IGSF5: variants seen among roughly 807,000 people sequenced by gnomAD.
IGSF5 encodes the protein immunoglobulin superfamily 5 like.
Under a neutral mutation model 39.4 loss-of-function variants are expected in IGSF5, and 41 were observed. The ratio of observed to expected loss-of-function variants is 1.04; its 90% CI spans 0.81 to 1.35. The LOEUF is 1.35. Among genes scored for constraint, IGSF5 ranks in the 40% most tolerant of loss-of-function variants. The pLI is 0.00. For synonymous variants in IGSF5, 183 were observed against 175.3 expected (o/e 1.04, Z -0.34); for missense variants, 487 against 494.6 (o/e 0.98, Z 0.15).
chr21:39,768,535 G>T lies in IGSF5; in HGVS notation c.419-2381G>T, dbSNP rs1427047193. On this transcript the variant is annotated intron_variant, in intron 3 of 8. Coordinates refer to ENST00000380588, the MANE Select transcript of IGSF5 (RefSeq NM_001080444.2). ...TTCAGATCGCTGAGTTGGTCCACTT[G>T]CTGCCTTATCCACCAATCAATCACA... is the stretch of plus-strand genomic sequence containing the variant. Among the ~76,000 whole-genome samples the T allele has an allele frequency of 3.9e-5, 6 of 152,306 alleles. No individual in the cohort carries two copies. In the East Asian group the frequency reaches 7.7e-4, roughly 20 times the overall value.
the IGSF5 span, chr21:39,726,147 T>C: frequency 6.6e-6 from 1 of 152,318 alleles, no homozygotes; most frequent in Non-Finnish European, 1.5e-5. Flanking sequence ...TGTGGGTCTA[T>C]GTGTGTTCAC....
At chr21:39,750,552 A>G (rs1251228552) in intron 2 of IGSF5, among the ~76,000 whole-genome samples, 2 of 149,792 alleles carry the variant, frequency 1.3e-5, no homozygotes, top group Non-Finnish European at 3.0e-5. Context: ...GCTGAACATC[A>G]GGTTCTTGGG....
Position 39,796,463 on chromosome 21 carries a change from C to A in IGSF5, c.1128+2850C>A, listed in dbSNP as rs529593286. On this transcript the variant is annotated intron_variant, in intron 8 of 8. Coordinates refer to ENST00000380588, the MANE Select transcript of IGSF5 (RefSeq NM_001080444.2). ...GTGCCTTCTTTTCTCAAAACTTTCT[C>A]CATTCTGCAATAAGCCTTAGTTCCT... 7.9e-5 allele frequency among the ~76,000 whole-genome samples: 12 copies of A among 152,314 alleles called. No individual in the cohort carries two copies. In the South Asian group the frequency reaches 2.3e-3, roughly 29 times the overall value.
chr21:39,797,133 A>T (rs2087000302), intron 8 of IGSF5, among the ~76,000 whole-genome samples: 1 of 152,092 alleles, frequency 6.6e-6, no homozygotes, highest in Non-Finnish European at 1.5e-5. Flanking sequence ...ATTAAAGTGG[A>T]GAATACCTTC....
rs2086980528 is a variant in IGSF5 at position 39,793,927 on chromosome 21, G to A, written c.1128+314G>A. 2.0e-5 allele frequency among the ~76,000 whole-genome samples: 3 copies of A among 152,140 alleles called. No individual in the cohort carries two copies. The South Asian group carries it at 6.2e-4, about 32-fold the overall frequency. On this transcript the variant is annotated intron_variant, in intron 8 of 8. Coordinates refer to ENST00000380588, the MANE Select transcript of IGSF5 (RefSeq NM_001080444.2). Reference sequence around the variant, plus strand: ...CATAAGAGTGAGCAGCATATATAATGTGCCATTTGTTCTCTTTGAGCCATA... The same window carrying A: ...CATAAGAGTGAGCAGCATATATAATATGCCATTTGTTCTCTTTGAGCCATA...
At chr21:39,727,868 T>C in the IGSF5 span, 3 of 152,374 alleles carry the variant, frequency 2.0e-5, no homozygotes, top group African/African-American at 4.8e-5. Flanking sequence ...AGTCGCTGCA[T>C]GCTCACAGAG....
the IGSF5 span, among the ~76,000 whole-genome samples, chr21:39,727,598 C>A: frequency 1.3e-4 from 20 of 152,344 alleles, no homozygotes; most frequent in South Asian, 4.1e-3. Context: ...TGATAGAAAT[C>A]TAGGACGTGC....
At chr21:39,752,566 T>G (rs2080010888) in intron 2 of IGSF5, among the ~76,000 whole-genome samples, 1 of 152,252 alleles carries the variant, frequency 6.6e-6, no homozygotes, top group African/African-American at 2.4e-5. Flanking sequence ...TAGTTTTACT[T>G]TTAGTTCTTT....
At chr21:39,725,090 C>G in the IGSF5 span, among the ~76,000 whole-genome samples, 59 of 152,330 alleles carry the variant, frequency 3.9e-4, no homozygotes, top group African/African-American at 1.4e-3. Context: ...CTGTTCTCTG[C>G]TAAATGTGCC....
At chr21:39,763,273 G>T (rs1315044686) in intron 2 of IGSF5, among the ~76,000 whole-genome samples, 1 of 152,164 alleles carries the variant, frequency 6.6e-6, no homozygotes, top group Non-Finnish European at 1.5e-5. Context: ...GCCTGACCTT[G>T]CAGTATAGAA....
intron 8 of IGSF5, among the ~76,000 whole-genome samples, chr21:39,800,104 A>G (rs1214246695): frequency 6.6e-6 from 1 of 152,216 alleles, no homozygotes; most frequent in Non-Finnish European, 1.5e-5. Flanking sequence ...AATTCCTACT[A>G]AAATAACCAA....
At chr21:39,733,812 G>A in the IGSF5 span, among the ~76,000 whole-genome samples, 2 of 152,158 alleles carry the variant, frequency 1.3e-5, no homozygotes, top group African/African-American at 2.4e-5. Flanking sequence ...CCTGGCCATC[G>A]TTCTAATCTC....
chr21:39,788,566 G>A (rs1490810607), intron 6 of IGSF5, among the ~76,000 whole-genome samples: 1 of 152,218 alleles, frequency 6.6e-6, no homozygotes, highest in African/African-American at 2.4e-5. Context: ...GGAATTTCTG[G>A]GATAGTGGAG....
At position 39,745,429 on chromosome 21, in the gene IGSF5, G is replaced by A. The variant is rs2079968974; in HGVS notation, c.-81G>A. The A allele has an allele frequency of 2.9e-6, 2 of 696,410 alleles. No individual in the cohort carries two copies. The highest frequency in any genetic ancestry group is 3.0e-4 in the Middle Eastern group (1 of 3,360). The allele number at this position is 696,410 out of a possible 1,614,324, so 43.1% of individuals were successfully genotyped here. ...TGAACCATTAGTACCTAGGAGGCAG[G>A]GATCAGAGGAAGTAGATTCAGAGGT... On this transcript the variant is annotated 5_prime_UTR_variant, in exon 1 of 9. Transcript: ENST00000380588.
At chr21:39,755,357 C>T (rs998785777) in intron 2 of IGSF5, among the ~76,000 whole-genome samples, 8 of 151,950 alleles carry the variant, frequency 5.3e-5, no homozygotes, top group African/African-American at 1.9e-4. Context: ...GAGGCTGAGG[C>T]GGGCGGATCA....
chr21:39,756,127 G>T (rs1013281615), intron 2 of IGSF5, among the ~76,000 whole-genome samples: 1 of 151,860 alleles, frequency 6.6e-6, no homozygotes, highest in African/African-American at 2.4e-5. Flanking sequence ...ACAAACGAAA[G>T]AATTACAGAC....
intron 3 of IGSF5, among the ~76,000 whole-genome samples, 188 bp downstream of exon 3, chr21:39,766,040 C>T (rs985915833): frequency 5.3e-5 from 8 of 152,152 alleles, no homozygotes; most frequent in Admixed American, 6.5e-5. Context: ...CATGCTCTCC[C>T]TACCTCCTCA....
At chr21:39,773,248 A>G (rs4818090) in intron 4 of IGSF5, among the ~76,000 whole-genome samples, 103,410 of 152,002 alleles carry the variant, frequency 0.68, 35,370 homozygotes, top group Admixed American at 0.73. Context: ...CTGTTCCTAC[A>G]TTAGTTTGCT....
chr21:39,791,048 C>T (rs1186180922), intron 6 of IGSF5, among the ~76,000 whole-genome samples: 1 of 152,140 alleles, frequency 6.6e-6, no homozygotes, highest in Non-Finnish European at 1.5e-5. Context: ...TGCAGGGGTC[C>T]TGGAATCAAT....
Sources: allele counts gnomAD v4.1 joint callset (sites outside exome capture counted in the v4.1 genomes callset), GRCh38; gene constraint gnomAD v4.1.1; transcripts MANE v1.5; gene names NCBI Gene and HGNC (gene_info 2026-07-23, HGNC 2026-07-21).